GDAP1: variants seen among roughly 807,000 people sequenced by gnomAD.
The protein encoded by GDAP1 is ganglioside-induced differentiation-associated protein 1.
Under a neutral mutation model 40.1 loss-of-function variants are expected in GDAP1, and 34 were observed. The observed-to-expected ratio is 0.85, with a 90% CI of 0.64 to 1.13. The LOEUF (loss-of-function observed/expected upper bound fraction) is 1.13, where lower values mean the gene tolerates loss of function less well. GDAP1 is among the 50% of genes most tolerant of loss of function. The pLI is 0.00. For missense variants in GDAP1, 374 were observed against 433.7 expected (o/e 0.86, Z 1.22); for synonymous variants, 170 against 157.4 (o/e 1.08, Z -0.60).
chr8:74,362,286 C>T (rs1271434167), intron 4 of GDAP1, among the ~76,000 whole-genome samples: 1 of 152,174 alleles, frequency 6.6e-6, no homozygotes, highest in South Asian at 2.1e-4. Context: ...TGGAAGTCCT[C>T]GCTAGACCTA....
chr8:74,399,049 T>A (rs1015051720), intron 2 of GDAP1, among the ~76,000 whole-genome samples: 1 of 152,104 alleles, frequency 6.6e-6, no homozygotes, highest in African/African-American at 2.4e-5. Context: ...GGTGTCAGGA[T>A]GATACTGGCC....
At chr8:74,482,117 T>C (rs1031982629) in intron 2 of GDAP1, among the ~76,000 whole-genome samples, 5 of 75,686 alleles carry the variant, frequency 6.6e-5, no homozygotes, top group Non-Finnish European at 1.3e-4. Flanking sequence ...AGGGTTTTTT[T>C]TTGGGGGGGG....
intron 2 of GDAP1, among the ~76,000 whole-genome samples, chr8:74,355,357 T>C (rs1012608294): frequency 6.6e-6 from 1 of 152,242 alleles, no homozygotes; most frequent in Admixed American, 6.5e-5. Context: ...CCGAAATCAT[T>C]AGCAGCTTGC....
At chr8:74,468,849 A>T (rs1272990971) in intron 2 of GDAP1, among the ~76,000 whole-genome samples, 1 of 152,202 alleles carries the variant, frequency 6.6e-6, no homozygotes, top group African/African-American at 2.4e-5. Flanking sequence ...AAATCATAGT[A>T]GGCATAGTGA....
rs10111837 is a variant in GDAP1, at chr8:74,486,783, C to T, written c.166-1895C>T. ...TTAACATATTTTATTGTTCTGCCCT[C>T]GGCAGTTTCTCCTATGACTTAAATC... On this transcript the variant is annotated intron_variant, in intron 2 of 2. Transcript: ENST00000523640. Among the ~76,000 whole-genome samples, 762 of 152,242 alleles carry T rather than the reference C, an allele frequency of 5.0e-3. 3 individuals are homozygous for T. Among genetic ancestry groups the T allele is most frequent in the Non-Finnish European group, 5.8e-3 (394 of 67,998 alleles).
chr8:74,403,680 C>T lies in GDAP1; in HGVS notation c.165+52359C>T, dbSNP rs767043972. Among the ~76,000 whole-genome samples, 16 of 150,098 alleles carry T rather than the reference C, an allele frequency of 1.1e-4. 2 individuals are homozygous for T. The highest frequency in any genetic ancestry group is 2.5e-4 in the African/African-American group (10 of 39,472). On this transcript the variant is annotated intron_variant, in intron 2 of 2. Coordinates refer to the GDAP1 transcript ENST00000523640. ...CATTTGGGCAGATTTCTGACCTTGC[C>T]GGGTCTCTGTAGTGTATGTGTTAGT... is the stretch of plus-strand genomic sequence containing the variant.
chr8:74,471,506 C>T (rs534079232), intron 2 of GDAP1, among the ~76,000 whole-genome samples: 3 of 149,608 alleles, frequency 2.0e-5, no homozygotes, highest in African/African-American at 7.4e-5. Flanking sequence ...TTTTGATATT[C>T]TTTTTCTCAA....
intron 2 of GDAP1, among the ~76,000 whole-genome samples, chr8:74,397,641 G>C (rs2131546604): frequency 6.6e-6 from 1 of 152,126 alleles, no homozygotes; most frequent in African/African-American, 2.4e-5. Flanking sequence ...GTTTTTCTCA[G>C]GTTTGTGAAA....
intron 2 of GDAP1, among the ~76,000 whole-genome samples, chr8:74,394,017 C>A (rs1157481232): frequency 1.3e-5 from 2 of 152,230 alleles, no homozygotes; most frequent in South Asian, 2.1e-4. Context: ...TGTTAGTCCA[C>A]TTTCACACTG....
intron 2 of GDAP1, among the ~76,000 whole-genome samples, chr8:74,484,798 T>C (rs1806754843): frequency 6.6e-6 from 1 of 152,088 alleles, no homozygotes; most frequent in African/African-American, 2.4e-5. Flanking sequence ...CCACTGAGTT[T>C]CCTAAAAGTC....
intron 2 of GDAP1, among the ~76,000 whole-genome samples, chr8:74,407,619 C>A (rs1008062510): frequency 6.7e-6 from 1 of 149,874 alleles, no homozygotes; most frequent in Non-Finnish European, 1.5e-5. Context: ...ACCTTGTGAT[C>A]GTGTGAGTCA....
chr8:74,411,524 A>T (rs1220233415), intron 2 of GDAP1, among the ~76,000 whole-genome samples: 1 of 143,228 alleles, frequency 7.0e-6, no homozygotes, highest in Non-Finnish European at 1.5e-5. Flanking sequence ...TTATTAAGCA[A>T]ATATATATAT....
At position 74,351,527 on chromosome 8, in the gene GDAP1, T is replaced by G. The variant is rs59070908; in HGVS notation, c.310+61T>G. On this transcript the variant is annotated intron_variant, in intron 2 of 5. Coordinates refer to ENST00000220822, the MANE Select transcript of GDAP1 (RefSeq NM_018972.4). Reference sequence around the variant, plus strand: ...CTTTCAACACAACTATGTGTTCCCTTTCTCTTTTTCTCTCTCTCCTCTCTC... The same window carrying G: ...CTTTCAACACAACTATGTGTTCCCTGTCTCTTTTTCTCTCTCTCCTCTCTC... 2,825 of 1,134,636 alleles carry G rather than the reference T, an allele frequency of 2.5e-3. 39 individuals carry two copies. The African/African-American group carries it at 0.039, about 15-fold the overall frequency. 70.3% of individuals were successfully genotyped at this position (1,134,636 alleles called of 1,614,324 possible). A position where few individuals can be genotyped will look rare whatever the true frequency, so the allele number is the denominator to read the frequency against.
intron 2 of GDAP1, among the ~76,000 whole-genome samples, chr8:74,352,288 A>C (rs988107611): frequency 6.6e-6 from 1 of 152,200 alleles, no homozygotes. Flanking sequence ...CAAAGACTAC[A>C]CAGCTGATCA....
chr8:74,426,888 C>T (rs1175139442), intron 2 of GDAP1, among the ~76,000 whole-genome samples: 3 of 152,156 alleles, frequency 2.0e-5, no homozygotes, highest in Admixed American at 1.3e-4. Context: ...ACTCACTCCA[C>T]CCAGAAATGA....
chr8:74,474,083 C>T (rs934569092), intron 2 of GDAP1, among the ~76,000 whole-genome samples: 10 of 151,994 alleles, frequency 6.6e-5, no homozygotes, highest in Non-Finnish European at 1.5e-4. Flanking sequence ...ATTGCATTCC[C>T]GATTTGGCTT....
At chr8:74,440,426 T>C (rs1806148660) in intron 2 of GDAP1, among the ~76,000 whole-genome samples, 1 of 152,152 alleles carries the variant, frequency 6.6e-6, no homozygotes, top group Non-Finnish European at 1.5e-5. Flanking sequence ...ACATTTTCTC[T>C]GAAGGTATAT....
intron 2 of GDAP1, among the ~76,000 whole-genome samples, chr8:74,386,155 T>C (rs1468050533): frequency 6.6e-6 from 1 of 152,234 alleles, no homozygotes; most frequent in African/African-American, 2.4e-5. Context: ...TTCAGTCTGA[T>C]GATAGTTTCT....
Position 74,451,923 on chromosome 8 carries a change from C to CTTAATTCAAT in GDAP1, c.166-36749_166-36748insCAATTTAATT, listed in dbSNP as rs1806298335. 3.7e-5 allele frequency among the ~76,000 whole-genome samples: 2 copies of CTTAATTCAAT among 54,614 alleles called. 1 individual carries two copies. Among genetic ancestry groups the CTTAATTCAAT allele is most frequent in the Non-Finnish European group, 6.7e-5 (2 of 29,836 alleles). The allele number at this position is 54,614 out of a possible 152,430, so 35.8% of individuals were successfully genotyped here. A position where few individuals can be genotyped will look rare whatever the true frequency, so the allele number is the denominator to read the frequency against. ...GCCTTGGTATGCTGCTCTTTATTTT[C>CTTAATTCAAT]TTAATTTAATTTAATTTAATTTAAT... On this transcript the variant is annotated intron_variant, in intron 2 of 2. Transcript: ENST00000523640.
Sources: gnomAD v4.1 joint callset for allele counts (sites outside exome capture counted in the v4.1 genomes callset) on GRCh38, gnomAD v4.1.1 for gene constraint, MANE v1.5 for transcripts, NCBI Gene and HGNC (gene_info 2026-07-23, HGNC 2026-07-21) for gene names.